Variants in WNT9B observed in about 807,000 individuals in gnomAD.
WNT9B encodes Wnt family member 9B.
In WNT9B, 12 loss-of-function variants were observed where a neutral mutation model predicts 30.2. The observed-to-expected ratio is 0.40, with a 90% CI of 0.26 to 0.64. The LOEUF (loss-of-function observed/expected upper bound fraction) is 0.64, where lower values mean the gene tolerates loss of function less well. Ranked by LOEUF, WNT9B falls within the 30% of genes least tolerant of loss-of-function variation. The pLI is 0.42. For missense variants in WNT9B, 442 were observed against 485.2 expected (o/e 0.91, Z 0.84); for synonymous variants, 218 against 216.9 (o/e 1.01, Z -0.05).
At chr17:46,864,269 A>G (rs568697701) in intron 1 of WNT9B, among the ~76,000 whole-genome samples, 9 of 152,294 alleles carry the variant, frequency 5.9e-5, no homozygotes, top group Non-Finnish European at 1.2e-4. Flanking sequence ...TGCCACCAGG[A>G]GTGCGGTTTC....
At chr17:46,839,154 A>C (rs961314783) in intron 1 of WNT9B, among the ~76,000 whole-genome samples, 1 of 152,260 alleles carries the variant, frequency 6.6e-6, no homozygotes, top group Non-Finnish European at 1.5e-5. Flanking sequence ...CTGGGATTAC[A>C]GGCGTGAGCC....
At position 46,839,167 on chromosome 17, in the gene WNT9B, C is replaced by T. The variant is rs144909085; in HGVS notation, c.95+5727C>T. ...TACTGGGATTACAGGCGTGAGCCAC[C>T]GCACCTGGCCTCTAAAGAATTTTAA... On this transcript the variant is annotated intron_variant, in intron 1 of 2. Transcript: ENST00000575372. Among the ~76,000 whole-genome samples, 733 of 152,316 alleles carry T rather than the reference C, an allele frequency of 4.8e-3. 4 individuals carry two copies. The highest frequency in any genetic ancestry group is 8.4e-3 in the Non-Finnish European group (572 of 68,032).
rs539318058 is a variant in WNT9B, at chr17:46,876,765, G to A, written c.*47G>A. 26 of 1,495,826 alleles carry A rather than the reference G, an allele frequency of 1.7e-5. No homozygotes were observed. In the South Asian group the frequency reaches 3.3e-4, roughly 19 times the overall value. The allele number at this position is 1,495,826 out of a possible 1,614,324, so 92.7% of individuals were successfully genotyped here. Reference sequence around the variant, plus strand: ...TCTGGCACTGCCAGGACCTCCTGTGGCACCCTTCAAGCTGCCCAGCCGGCC... The same window carrying A: ...TCTGGCACTGCCAGGACCTCCTGTGACACCCTTCAAGCTGCCCAGCCGGCC... On this transcript the variant is annotated 3_prime_UTR_variant, in exon 4 of 4. Coordinates refer to ENST00000290015, the MANE Select transcript of WNT9B (RefSeq NM_003396.3).
rs75199851 is a variant in WNT9B, at chr17:46,872,720, G to A, written c.281G>A (p.Arg94Gln). ...LGLLECQFQF[R>Q]HERWNCSLEG... is the part of the protein sequence containing the mutation. ...CTGCTTGAGTGCCAGTTTCAGTTCC[G>A]GCATGAGCGCTGGAACTGTAGCCTG... Residue 94 changes from arginine to glutamine, a missense_variant, in exon 2 of 4, where the codon CGG (arginine) becomes CAG (glutamine). Transcript: ENST00000290015. 8.8e-4 allele frequency: 1,420 copies of A among 1,613,098 alleles called. 15 individuals are homozygous for A. In the African/African-American group the frequency reaches 0.016, roughly 18 times the overall value.
chr17:46,867,773 A>T (rs903644611), intron 1 of WNT9B, among the ~76,000 whole-genome samples: 26 of 151,976 alleles, frequency 1.7e-4, no homozygotes, highest in Non-Finnish European at 4.4e-5. Flanking sequence ...TGAGGGTGAG[A>T]GTGTGTGAGA....
chr17:46,851,792 T>C lies in WNT9B; in HGVS notation c.77+77T>C. ...TCCTGCGCTACAGCTGGGCCAATTT[T>C]TCCCTCCCGCTGTCCTTGGCCCCGC... On this transcript the variant is annotated intron_variant, in intron 1 of 3. Coordinates refer to ENST00000290015, the MANE Select transcript of WNT9B (RefSeq NM_003396.3). This position sits in a 1 kb window ranked among gnomAD's most constrained non-coding sequence, Gnocchi z 4.3. The C allele has an allele frequency of 1.3e-6, 1 of 759,694 alleles. No homozygotes were observed. Among genetic ancestry groups the C allele is most frequent in the Non-Finnish European group, 1.8e-6 (1 of 551,670 alleles). The allele number at this position is 759,694 out of a possible 1,614,324, so 47.1% of individuals were successfully genotyped here.
intron 1 of WNT9B, among the ~76,000 whole-genome samples, chr17:46,839,927 TC>T (rs1304209826): frequency 7.9e-6 from 1 of 126,212 alleles, no homozygotes; most frequent in Non-Finnish European, 1.8e-5. Flanking sequence ...TTTCTTTCTT[TC>T]TTTCTTTCTT....
At chr17:46,863,018 A>G (rs779162268) in intron 1 of WNT9B, among the ~76,000 whole-genome samples, 2 of 152,216 alleles carry the variant, frequency 1.3e-5, no homozygotes, top group Non-Finnish European at 2.9e-5. Flanking sequence ...TCAGACCCCA[A>G]GGTACAGGGC....
At chr17:46,874,011 A>T (rs958163699) in intron 2 of WNT9B, among the ~76,000 whole-genome samples, 9 of 149,140 alleles carry the variant, frequency 6.0e-5, no homozygotes, top group African/African-American at 2.2e-4. Flanking sequence ...AAAAAAATGC[A>T]GTGATGCTGT....
upstream of WNT9B, among the ~76,000 whole-genome samples, chr17:46,847,671 G>A (rs1051391750): frequency 1.3e-5 from 2 of 152,302 alleles, no homozygotes; most frequent in South Asian, 2.1e-4. Flanking sequence ...ACCTTCCCTC[G>A]GAGCTGCTGG....
At chr17:46,840,795 GTCT>G (rs1417153976) in intron 1 of WNT9B, among the ~76,000 whole-genome samples, 1 of 152,192 alleles carries the variant, frequency 6.6e-6, no homozygotes, top group African/African-American at 2.4e-5. Flanking sequence ...CTGCATAAAT[GTCT>G]TCTTTTGAGA....
At chr17:46,883,483 C>T (rs1215740520), downstream of WNT9B, among the ~76,000 whole-genome samples, 7 of 151,960 alleles carry the variant, frequency 4.6e-5, no homozygotes, top group African/African-American at 1.7e-4. Flanking sequence ...CGGGGTTTCA[C>T]CATGTTGGCC....
chr17:46,859,848 GC>G (rs1289132061), intron 1 of WNT9B, among the ~76,000 whole-genome samples: 1 of 152,254 alleles, frequency 6.6e-6, no homozygotes, highest in African/African-American at 2.4e-5. Context: ...TCTATTTAGA[GC>G]TTTTGTAATT....
upstream of WNT9B, among the ~76,000 whole-genome samples, chr17:46,850,187 A>G (rs779157569): frequency 5.3e-5 from 8 of 152,186 alleles, no homozygotes; most frequent in Non-Finnish European, 1.2e-4. Flanking sequence ...ATCCTGTTAG[A>G]TATTTCTCAT....
At chr17:46,872,378 A>G in intron 1 of WNT9B, 139 bp from the exon 2 acceptor site, 4 of 1,314,696 alleles carry the variant, frequency 3.0e-6, no homozygotes, top group Non-Finnish European at 3.9e-6. Flanking sequence ...AATCTGTAAA[A>G]TGGGGACGGG....
In WNT9B at chr17:46,844,373, C is replaced by T. The variant is rs1375206302; in HGVS notation, c.95+10933C>T. On this transcript the variant is annotated intron_variant, in intron 1 of 2. Coordinates refer to the WNT9B transcript ENST00000575372. ...TGCTTCCCAGAGATAAACCAAGGTT[C>T]GAGTCTCTCCTTTGTTTAAAGAAAA... Among the ~76,000 whole-genome samples the T allele has an allele frequency of 4.3e-5, 6 of 137,956 alleles. No individual in the cohort carries two copies. The East Asian group carries it at 6.4e-4, about 15-fold the overall frequency. 90.5% of individuals were successfully genotyped at this position (137,956 alleles called of 152,430 possible). A position where few individuals can be genotyped will look rare whatever the true frequency, so the allele number is the denominator to read the frequency against.
chr17:46,851,366 A>AGCGCTCACCTGG (rs1160427408), upstream of WNT9B, among the ~76,000 whole-genome samples: 2 of 145,426 alleles, frequency 1.4e-5, no homozygotes, highest in Non-Finnish European at 3.0e-5. This position sits in a 1 kb window ranked among gnomAD's most constrained non-coding sequence, Gnocchi z 4.3. Context: ...GCGCCAGGTG[A>AGCGCTCACCTGG]GCGCTCACCT....
chr17:46,837,134 G>T (rs981327224), intron 1 of WNT9B, among the ~76,000 whole-genome samples: 1 of 152,050 alleles, frequency 6.6e-6, no homozygotes, highest in African/African-American at 2.4e-5. Flanking sequence ...GTAGAGATGG[G>T]GTTTCACCAT....
At chr17:46,836,337 CTTCA>C (rs1568111996) in intron 1 of WNT9B, among the ~76,000 whole-genome samples, 1 of 152,108 alleles carries the variant, frequency 6.6e-6, no homozygotes, top group Non-Finnish European at 1.5e-5. Context: ...GTTTTTTGAA[CTTCA>C]TTCATGAAGC....
Sources: allele counts gnomAD v4.1 joint callset (sites outside exome capture counted in the v4.1 genomes callset), GRCh38; gene constraint gnomAD v4.1.1; non-coding constraint Gnocchi (gnomAD v3.1); transcripts MANE v1.5; gene names NCBI Gene and HGNC (gene_info 2026-07-23, HGNC 2026-07-21).